ABAT: variants seen among roughly 807,000 people sequenced by gnomAD.
The protein encoded by ABAT is 4-aminobutyrate aminotransferase, mitochondrial.
Under a neutral mutation model 64.6 loss-of-function variants are expected in ABAT, and 45 were observed. The observed-to-expected ratio is 0.70, with a 90% CI of 0.55 to 0.89. The LOEUF (loss-of-function observed/expected upper bound fraction) is 0.89, where lower values mean the gene tolerates loss of function less well. ABAT is among the 40% of genes least tolerant of loss of function. The pLI is 0.00. For missense variants in ABAT, 633 were observed against 658.4 expected (o/e 0.96, Z 0.42); for synonymous variants, 297 against 250.5 (o/e 1.19, Z -1.75).
intron 1 of ABAT, among the ~76,000 whole-genome samples, chr16:8,697,214 G>T (rs1179188968): frequency 1.3e-5 from 2 of 152,164 alleles, no homozygotes; most frequent in Admixed American, 6.5e-5. Flanking sequence ...CTCATTCCAG[G>T]CAGGGACACA....
At chr16:8,757,517 C>A (rs1476546188) in intron 5 of ABAT, among the ~76,000 whole-genome samples, 2 of 152,172 alleles carry the variant, frequency 1.3e-5, no homozygotes, top group Non-Finnish European at 1.5e-5. Flanking sequence ...CAAATCTGAA[C>A]AAGCATCAGA....
intron 1 of ABAT, among the ~76,000 whole-genome samples, chr16:8,734,264 T>TAA (rs2058846880): frequency 6.6e-6 from 1 of 152,212 alleles, no homozygotes; most frequent in Non-Finnish European, 1.5e-5. Flanking sequence ...GATGCCCTTG[T>TAA]TTATGTTATG....
In ABAT at chr16:8,676,085, G is replaced by A. The variant is rs1469633854; in HGVS notation, c.-42+1374G>A. 5.9e-5 allele frequency among the ~76,000 whole-genome samples: 9 copies of A among 152,298 alleles called. No homozygotes were observed. In the East Asian group the frequency reaches 1.5e-3, roughly 26 times the overall value. ...GCTCTTCTCTGGTGGGTCAGGTTGG[G>A]AGGCAGGAGAGAGGGAGGCAGTGAG... On this transcript the variant is annotated intron_variant, in intron 1 of 15. Coordinates refer to ENST00000268251, the MANE Select transcript of ABAT (RefSeq NM_020686.6).
At chr16:8,726,115 T>A (rs1567287823) in intron 1 of ABAT, among the ~76,000 whole-genome samples, 1 of 152,166 alleles carries the variant, frequency 6.6e-6, no homozygotes, top group African/African-American at 2.4e-5. Flanking sequence ...ACCATCCTTC[T>A]ACTCTCTATG....
At chr16:8,677,823 C>T (rs754826582) in intron 1 of ABAT, among the ~76,000 whole-genome samples, 8 of 152,044 alleles carry the variant, frequency 5.3e-5, no homozygotes, top group Non-Finnish European at 7.4e-5. Context: ...CTAGCTGAGG[C>T]GGGTGGATGG....
At chr16:8,697,862 C>T (rs2057738222) in intron 1 of ABAT, among the ~76,000 whole-genome samples, 2 of 152,270 alleles carry the variant, frequency 1.3e-5, no homozygotes, top group Middle Eastern at 3.4e-3. Context: ...GTCGCAAACT[C>T]CTGACCTCAA....
chr16:8,776,582 GCCTGCTGTTCCAGCAGTTCGT>G lies in ABAT; in HGVS notation c.1269+93_1269+113del. ...CTGGAGCTCTTCGGCATGGTGTTGT[GCCTGCTGTTCCAGCAGTTCGT>G]AACGGGCTGTGCTGCTCCTAGCCTT... is the stretch of plus-strand genomic sequence containing the variant. On this transcript the variant is annotated intron_variant, in intron 14 of 15. Transcript: ENST00000268251. The surrounding 1 kb of genome is among the most constrained non-coding windows in gnomAD (Gnocchi z 4.4). 8 of 1,353,296 alleles carry G rather than the reference GCCTGCTGTTCCAGCAGTTCGT, an allele frequency of 5.9e-6. No homozygotes were observed. Among genetic ancestry groups the G allele is most frequent in the Non-Finnish European group, 8.2e-6 (8 of 975,208 alleles). The allele number at this position is 1,353,296 out of a possible 1,614,324, so 83.8% of individuals were successfully genotyped here.
intron 9 of ABAT, 78 bp from the exon 10 acceptor site, chr16:8,768,115 C>T: frequency 6.8e-7 from 1 of 1,466,518 alleles, no homozygotes; most frequent in African/African-American, 1.4e-5. Context: ...TTCTGTGTCC[C>T]TCTGGACTTG....
At chr16:8,735,249 TG>T (rs572567698) in intron 1 of ABAT, among the ~76,000 whole-genome samples, 1,966 of 151,838 alleles carry the variant, frequency 0.013, 52 homozygotes, top group African/African-American at 0.045. Context: ...TTTTTTGTTT[TG>T]TTTTGGTTTG....
chr16:8,724,912 T>TCTTTTC (rs55951300), intron 1 of ABAT, among the ~76,000 whole-genome samples: 17 of 380 alleles, frequency 0.045, no homozygotes, highest in Non-Finnish European at 0.23. Context: ...CTCCAATATC[T>TCTTTTC]CTTTTTTCTT....
intron 2 of ABAT, among the ~76,000 whole-genome samples, chr16:8,744,056 A>C (rs2059260363): frequency 6.6e-6 from 1 of 152,214 alleles, no homozygotes; most frequent in African/African-American, 2.4e-5. Context: ...CACCCGGGAA[A>C]TCAAACACCC....
intron 1 of ABAT, 68 bp from the exon 2 acceptor site, chr16:8,735,631 G>A: frequency 7.8e-7 from 1 of 1,281,204 alleles, no homozygotes; most frequent in East Asian, 2.5e-5. Context: ...AAGTGGTGGG[G>A]ATGGGATCTT....
chr16:8,714,429 C>T (rs1034863830), intron 1 of ABAT, among the ~76,000 whole-genome samples: 5 of 152,248 alleles, frequency 3.3e-5, no homozygotes, highest in Non-Finnish European at 5.9e-5. Context: ...ACAGCCAGGG[C>T]GGCTCACGCC....
In ABAT at chr16:8,763,119, A is replaced by G. The variant is rs1419008177; in HGVS notation, c.367-950A>G. 3.9e-5 allele frequency among the ~76,000 whole-genome samples: 6 copies of G among 151,988 alleles called. No homozygotes were observed. In the South Asian group the frequency reaches 8.3e-4, roughly 21 times the overall value. The stretch of plus-strand genomic sequence containing the variant: ...GACCCTGTAACAAAAAAAAAAAAAA[A>G]AAAGCCCTTCCAGGCAAGCCAAGGT... On this transcript the variant is annotated intron_variant, in intron 6 of 15. Transcript: ENST00000268251.
chr16:8,741,334 C>T (rs928781916), intron 2 of ABAT, among the ~76,000 whole-genome samples: 3 of 152,196 alleles, frequency 2.0e-5, no homozygotes, highest in Admixed American at 6.5e-5. Context: ...GGCTAGCACT[C>T]GATGAAATCA....
intron 2 of ABAT, 81 bp downstream of exon 2, chr16:8,735,890 C>A: frequency 7.6e-7 from 1 of 1,312,240 alleles, no homozygotes; most frequent in Non-Finnish European, 1.1e-6. Flanking sequence ...TGGAAGAGCC[C>A]TTGGGGATAA....
chr16:8,717,505 C>A (rs1465269616), intron 1 of ABAT, among the ~76,000 whole-genome samples: 1 of 152,130 alleles, frequency 6.6e-6, no homozygotes, highest in Non-Finnish European at 1.5e-5. Flanking sequence ...CTACCTGTGC[C>A]TTCATTGTGA....
At chr16:8,684,154 A>G (rs962406772) in intron 1 of ABAT, among the ~76,000 whole-genome samples, 1 of 152,192 alleles carries the variant, frequency 6.6e-6, no homozygotes, top group African/African-American at 2.4e-5. Flanking sequence ...GTTCCTGGGG[A>G]TTCTAGGGAA....
chr16:8,680,776 A>T (rs950806877), intron 1 of ABAT, among the ~76,000 whole-genome samples: 1 of 152,096 alleles, frequency 6.6e-6, no homozygotes, highest in Non-Finnish European at 1.5e-5. Context: ...GGTGTGAAGC[A>T]ATACCACATT....
Sources: gnomAD v4.1 joint callset for allele counts (sites outside exome capture counted in the v4.1 genomes callset) on GRCh38, gnomAD v4.1.1 for gene constraint, Gnocchi (gnomAD v3.1) non-coding constraint, MANE v1.5 for transcripts, NCBI Gene and HGNC (gene_info 2026-07-23, HGNC 2026-07-21) for gene names.